Variants in THUMPD2 observed in about 807,000 individuals in gnomAD.
THUMPD2 encodes THUMP domain 2 tRNA and snRNA guanosine methyltransferase.
Under a neutral mutation model 49.4 loss-of-function variants are expected in THUMPD2, and 56 were observed. That is an observed-to-expected ratio of 1.13 (90% CI 0.91 to 1.41). The LOEUF (loss-of-function observed/expected upper bound fraction) is 1.41, where lower values mean the gene tolerates loss of function less well. Ranked by LOEUF, THUMPD2 falls within the 40% of genes most tolerant of loss-of-function variation. The pLI is 0.00. For missense variants in THUMPD2, 709 were observed against 594.5 expected, an observed-to-expected ratio of 1.19 and a Z score of -2.00; for synonymous variants, 237 against 205.2, an observed-to-expected ratio of 1.15 and a Z score of -1.32.
intron 9 of THUMPD2, among the ~76,000 whole-genome samples, chr2:39,739,581 A>G (rs903546810): frequency 6.6e-6 from 1 of 152,234 alleles, no homozygotes; most frequent in African/African-American, 2.4e-5. Context: ...GAATGGTCAG[A>G]GACCTTGCCT....
chr2:39,763,247 C>A (rs1414203150), intron 5 of THUMPD2, among the ~76,000 whole-genome samples: 2 of 151,622 alleles, frequency 1.3e-5, no homozygotes, highest in Admixed American at 1.3e-4. Context: ...AGACTTGTTA[C>A]CTGAACCCCA....
chr2:39,739,113 G>A (rs758070151), intron 9 of THUMPD2, among the ~76,000 whole-genome samples: 3 of 151,994 alleles, frequency 2.0e-5, no homozygotes, highest in Admixed American at 2.0e-4. Flanking sequence ...CATTCTTGTC[G>A]CCCCTCCCAC....
intron 8 of THUMPD2, among the ~76,000 whole-genome samples, chr2:39,749,861 G>C (rs142611135): frequency 6.6e-6 from 1 of 151,628 alleles, no homozygotes; most frequent in Non-Finnish European, 1.5e-5. Flanking sequence ...TTGGTTTTCT[G>C]TTCCTGCGTT....
intron 8 of THUMPD2, among the ~76,000 whole-genome samples, chr2:39,747,624 A>T (rs937452067): frequency 6.6e-6 from 1 of 152,180 alleles, no homozygotes; most frequent in African/African-American, 2.4e-5. Context: ...CTGAAAACGT[A>T]TCTGTGCAAA....
At chr2:39,777,973 T>C (rs1325029311) in intron 1 of THUMPD2, among the ~76,000 whole-genome samples, 4 of 152,212 alleles carry the variant, frequency 2.6e-5, no homozygotes, top group Non-Finnish European at 5.9e-5. Context: ...CCCTATGTCA[T>C]GGTCATATAG....
Position 39,761,187 on chromosome 2 carries a change from T to A in THUMPD2, c.891+144A>T, listed in dbSNP as rs1048126271. 2.9e-6 allele frequency: 2 copies of A among 681,538 alleles called. 1 individual carries two copies. The highest frequency in any genetic ancestry group is 5.5e-5 in the Admixed American group (2 of 36,100). 42.2% of individuals were successfully genotyped at this position (681,538 alleles called of 1,614,324 possible). A position where few individuals can be genotyped will look rare whatever the true frequency, so the allele number is the denominator to read the frequency against. ...AAGCATTACTGCAGCAGTTTGTAAG[T>A]ACAATGGCAAAAAGAAAAGAAGTTA... is the stretch of plus-strand genomic sequence containing the variant. On this transcript the variant is annotated intron_variant, in intron 6 of 9. Transcript: ENST00000505747.
chr2:39,738,144 T>C (rs1388271973), intron 9 of THUMPD2, among the ~76,000 whole-genome samples: 1 of 152,102 alleles, frequency 6.6e-6, no homozygotes, highest in South Asian at 2.1e-4. Flanking sequence ...AGCAGAGATT[T>C]CACATTTAAA....
In THUMPD2 at chr2:39,753,264, T is replaced by C. The variant is rs894561435; in HGVS notation, c.1078+2031A>G. On this transcript the variant is annotated intron_variant, in intron 8 of 9. Coordinates refer to ENST00000505747, the MANE Select transcript of THUMPD2 (RefSeq NM_025264.5). ...AGAGCCCCTCCAGGGAAGCTGCCCT[T>C]GACTTCTGCAGTCACCAGGCCTCAT... Among the ~76,000 whole-genome samples, 31 of 152,260 alleles carry C rather than the reference T, an allele frequency of 2.0e-4. 2 individuals carry two copies. The highest frequency in any genetic ancestry group is 1.6e-3 in the Admixed American group (24 of 15,290).
chr2:39,772,730 G>A (rs1678497058), intron 1 of THUMPD2, among the ~76,000 whole-genome samples: 1 of 152,142 alleles, frequency 6.6e-6, no homozygotes, highest in African/African-American at 2.4e-5. Flanking sequence ...TTTAGCAGTG[G>A]CCACCAATTG....
chr2:39,744,521 A>G (rs1389102473), intron 8 of THUMPD2, 43 bp from the exon 9 acceptor site: 2 of 1,250,368 alleles, frequency 1.6e-6, no homozygotes, highest in Admixed American at 5.0e-5. Flanking sequence ...GTAGGGTCAA[A>G]TATTTACAAC....
intron 1 of THUMPD2, among the ~76,000 whole-genome samples, chr2:39,775,901 T>C (rs753199621): frequency 2.6e-5 from 4 of 151,986 alleles, no homozygotes; most frequent in Non-Finnish European, 4.4e-5. Flanking sequence ...TCTACCCTAT[T>C]ACCCTCGACT....
In THUMPD2 at chr2:39,736,797, T is replaced by C; in HGVS notation, c.1450A>G (p.Ser484Gly). The C allele has an allele frequency of 6.2e-7, 1 of 1,614,210 alleles. No homozygotes were observed. Among genetic ancestry groups the C allele is most frequent in the South Asian group, 1.1e-5 (1 of 91,080 alleles). ...ATGAACGCATCTGTCTTTCCAAGGC[T>C]AACTTTGTAGCATTCCACTGGTACC... ...SLVPVECYKV[S>G]LGKTDAFICK... Residue 484 changes from serine to glycine, a missense_variant, in exon 10 of 10, where the codon AGC (serine) becomes GGC (glycine). By Grantham distance (56) the Ser-to-Gly change is moderately conservative (BLOSUM62 0). Coordinates refer to ENST00000505747, the MANE Select transcript of THUMPD2 (RefSeq NM_025264.5).
intron 9 of THUMPD2, among the ~76,000 whole-genome samples, chr2:39,740,810 G>A (rs181338482): frequency 3.7e-3 from 567 of 152,110 alleles, no homozygotes; most frequent in South Asian, 5.0e-3. Flanking sequence ...GGGCTCAAGC[G>A]ATCCTCCTAC....
chr2:39,745,589 A>G (rs534517211), intron 8 of THUMPD2, among the ~76,000 whole-genome samples: 109 of 152,290 alleles, frequency 7.2e-4, no homozygotes, highest in African/African-American at 2.2e-3. Context: ...AGCATGTAGT[A>G]ATTTACTTTT....
chr2:39,778,723 T>C (rs1464883978), intron 1 of THUMPD2, among the ~76,000 whole-genome samples: 3 of 152,248 alleles, frequency 2.0e-5, no homozygotes, highest in Non-Finnish European at 4.4e-5. Context: ...ATACAATCAC[T>C]GTCAAGAAAC....
rs553741737 is a variant in THUMPD2 at position 39,766,101 on chromosome 2, T to C, written c.759A>G (p.Ile253Met). The C allele has an allele frequency of 5.7e-6, 9 of 1,576,436 alleles. No individual in the cohort carries two copies. Among genetic ancestry groups the C allele is most frequent in the Non-Finnish European group, 7.7e-6 (9 of 1,166,940 alleles). Residue 253 changes from isoleucine (I) to methionine (M), a missense_variant, in exon 5 of 10, where the codon ATA becomes ATG. Coordinates refer to ENST00000505747, the MANE Select transcript of THUMPD2 (RefSeq NM_025264.5). ...CCACAGAGTAAATGTCATTTAGATG[T>C]ATAAAGATCTGAAAGAACAAACACA... Reference protein sequence around the residue: ...DLRNPQLEIFIHLNDIYSVVG... With the variant: ...DLRNPQLEIFMHLNDIYSVVG...
At chr2:39,742,946 C>G (rs930940505) in intron 9 of THUMPD2, among the ~76,000 whole-genome samples, 25 of 152,166 alleles carry the variant, frequency 1.6e-4, no homozygotes, top group African/African-American at 6.0e-4. Context: ...TAGGTGCTGT[C>G]CAGAAGGAGA....
At chr2:39,771,899 CA>C (rs1678373362) in intron 1 of THUMPD2, among the ~76,000 whole-genome samples, 1 of 151,998 alleles carries the variant, frequency 6.6e-6, no homozygotes, top group Non-Finnish European at 1.5e-5. Flanking sequence ...GTGTCTAGCC[CA>C]AGATGGATAT....
chr2:39,762,500 G>T (rs1163878191), intron 5 of THUMPD2, among the ~76,000 whole-genome samples: 4 of 151,838 alleles, frequency 2.6e-5, no homozygotes, highest in Admixed American at 1.3e-4. Flanking sequence ...TTATAATGAG[G>T]AAGTTCTACA....
Sources: allele counts gnomAD v4.1 joint callset (sites outside exome capture counted in the v4.1 genomes callset), GRCh38; gene constraint gnomAD v4.1.1; transcripts MANE v1.5; gene names NCBI Gene and HGNC (gene_info 2026-07-23, HGNC 2026-07-21).